Variants in RERE observed in about 807,000 individuals in gnomAD.
The protein encoded by RERE is arginine-glutamic acid dipeptide repeats, also known as arginine-glutamic acid dipeptide repeats protein.
RERE carries 40 observed loss-of-function variants against 146.1 expected under a neutral mutation model. The ratio of observed to expected loss-of-function variants is 0.27; its 90% confidence interval spans 0.21 to 0.36. The LOEUF is 0.36. Ranked by LOEUF, RERE falls within the 10% of genes least tolerant of loss-of-function variation. The probability of loss-of-function intolerance (pLI) is 1.00; values close to 1 mark genes in which losing one functional copy is unlikely to be tolerated. For synonymous variants in RERE, 1,003 were observed against 866.0 expected (o/e 1.16, Z -2.78); for missense variants, 1,933 against 2,138.7 (o/e 0.90, Z 1.90).
At chr1:8,554,678 CAA>C (rs386366172) in intron 6 of RERE, among the ~76,000 whole-genome samples, 19,300 of 100,452 alleles carry the variant, frequency 0.19, 1,511 homozygotes, top group Middle Eastern at 0.33. Context: ...GATCCTGTCT[CAA>C]AAAAAAAAAA....
intron 1 of RERE, among the ~76,000 whole-genome samples, chr1:8,785,264 C>T (rs550528121): frequency 4.6e-5 from 7 of 152,154 alleles, no homozygotes; most frequent in Non-Finnish European, 1.0e-4. Context: ...ATTTTGATAA[C>T]AGCAGAAAGG....
At chr1:8,773,407 T>C (rs1005878407) in intron 1 of RERE, among the ~76,000 whole-genome samples, 36 of 152,144 alleles carry the variant, frequency 2.4e-4, no homozygotes, top group Admixed American at 2.2e-3. Context: ...TGAAAGAAGG[T>C]TGCTGGCCGG....
At chr1:8,811,738 T>A (rs1641814859) in intron 1 of RERE, among the ~76,000 whole-genome samples, 1 of 152,252 alleles carries the variant, frequency 6.6e-6, no homozygotes, top group Non-Finnish European at 1.5e-5. Flanking sequence ...AGCTCTGCCC[T>A]GCTGCTGCAG....
At chr1:8,797,966 A>G (rs2124585552) in intron 1 of RERE, among the ~76,000 whole-genome samples, 1 of 152,372 alleles carries the variant, frequency 6.6e-6, no homozygotes, top group Non-Finnish European at 1.5e-5. Flanking sequence ...CAATTTTAAA[A>G]TAAATGACTA....
At chr1:8,554,320 A>G (rs996229271) in intron 6 of RERE, among the ~76,000 whole-genome samples, 8 of 152,248 alleles carry the variant, frequency 5.3e-5, no homozygotes, top group Non-Finnish European at 8.8e-5. Context: ...TAAATCGATT[A>G]AAATCTTTTC....
chr1:8,684,418 C>T (rs1366706804), intron 1 of RERE, among the ~76,000 whole-genome samples: 1 of 151,752 alleles, frequency 6.6e-6, no homozygotes, highest in African/African-American at 2.4e-5. Context: ...TGGGCATAAA[C>T]AAAAAACCCC....
At chr1:8,459,696 G>A (rs17032615) in intron 11 of RERE, among the ~76,000 whole-genome samples, 4,107 of 152,202 alleles carry the variant, frequency 0.027, 191 homozygotes, top group African/African-American at 0.095. Context: ...CAAATGAGAC[G>A]ATGAAGCCAG....
chr1:8,367,976 T>C (rs1399741822), intron 12 of RERE, among the ~76,000 whole-genome samples: 2 of 152,136 alleles, frequency 1.3e-5, no homozygotes, highest in Non-Finnish European at 2.9e-5. Context: ...TGAGAAAATA[T>C]GGAAGAGAAA....
chr1:8,452,430 G>C (rs998197504), intron 11 of RERE, among the ~76,000 whole-genome samples: 8 of 152,208 alleles, frequency 5.3e-5, no homozygotes, highest in Admixed American at 2.0e-4. Flanking sequence ...TACCAAGGTT[G>C]GTGGTAACTC....
At chr1:8,711,584 G>A (rs998492460) in intron 1 of RERE, among the ~76,000 whole-genome samples, 3 of 152,182 alleles carry the variant, frequency 2.0e-5, no homozygotes, top group Non-Finnish European at 2.9e-5. Flanking sequence ...GAAATTTCTC[G>A]TTTGGAAAAG....
rs76371041 is a variant in RERE, at chr1:8,697,690, C to T, written c.-144-41249G>A. ...GGCGCGAGCCACCACACCCAACCTA[C>T]CACACACAACTTTCTAAAGTTCCTG... On this transcript the variant is annotated intron_variant, in intron 1 of 22. Coordinates refer to ENST00000400908, the MANE Select transcript of RERE (RefSeq NM_001042681.2). Among the ~76,000 whole-genome samples, 152 of 152,314 alleles carry T rather than the reference C, an allele frequency of 1.0e-3. 3 individuals are homozygous for T. In the East Asian group the frequency reaches 0.018, roughly 18 times the overall value.
chr1:8,673,222 A>G (rs1638760718), intron 1 of RERE, among the ~76,000 whole-genome samples: 1 of 152,166 alleles, frequency 6.6e-6, no homozygotes, highest in Non-Finnish European at 1.5e-5. Flanking sequence ...CAGCCTATCA[A>G]GTAGCTGGGA....
intron 12 of RERE, among the ~76,000 whole-genome samples, chr1:8,390,934 C>CA (rs1483581950): frequency 4.6e-5 from 7 of 151,870 alleles, no homozygotes; most frequent in Admixed American, 4.6e-4. Context: ...AATATTATCT[C>CA]AAAAAAACAA....
Position 8,361,202 on chromosome 1 carries a change from AGGGCGT to A in RERE, c.2299_2304del (p.Thr767_Pro768del). The A allele has an allele frequency of 6.7e-7, 1 of 1,493,108 alleles. No homozygotes were observed. The highest frequency in any genetic ancestry group is 1.4e-5 in the South Asian group (1 of 74,014). The allele number at this position is 1,493,108 out of a possible 1,614,324, so 92.5% of individuals were successfully genotyped here. ...CCCTGTGGGGGAACTGCAGTGGCAG[AGGGCGT>A]GGGCCCTGGCGTGGGCAGCTGAGGG... On this transcript the variant is annotated inframe_deletion, in exon 18 of 23. Transcript: ENST00000400908.
At chr1:8,752,160 C>A (rs1319175144) in intron 1 of RERE, among the ~76,000 whole-genome samples, 1 of 151,820 alleles carries the variant, frequency 6.6e-6, no homozygotes, top group Non-Finnish European at 1.5e-5. Flanking sequence ...ATTTGCCTTG[C>A]GTGTCTGTGT....
Position 8,354,954 on chromosome 1 carries a change from T to G in RERE, c.*133A>C. On this transcript the variant is annotated 3_prime_UTR_variant, in exon 23 of 23. Transcript: ENST00000400908. ...TACTATGTGGATACATTTTTAGTTGTGGGTTTTTAAATATATAAAGAAATC... is the reference window on the plus strand; with the variant it reads ...TACTATGTGGATACATTTTTAGTTGGGGGTTTTTAAATATATAAAGAAATC... 1.4e-6 allele frequency: 1 copy of G among 730,726 alleles called. No individual in the cohort carries two copies. Among genetic ancestry groups the G allele is most frequent in the East Asian group, 2.7e-5 (1 of 37,236 alleles). 45.3% of individuals were successfully genotyped at this position (730,726 alleles called of 1,614,324 possible).
At chr1:8,715,707 C>T (rs1018389804) in intron 1 of RERE, among the ~76,000 whole-genome samples, 4 of 152,082 alleles carry the variant, frequency 2.6e-5, no homozygotes, top group African/African-American at 7.2e-5. Flanking sequence ...AGTTCAGGAC[C>T]AGTCTGGAAA....
At chr1:8,743,285 C>A (rs985484589) in intron 1 of RERE, among the ~76,000 whole-genome samples, 2 of 151,962 alleles carry the variant, frequency 1.3e-5, no homozygotes, top group Non-Finnish European at 2.9e-5. Context: ...GTAGTCCTAT[C>A]TTCTTTTTTT....
intron 11 of RERE, among the ~76,000 whole-genome samples, chr1:8,446,705 C>T (rs987436871): frequency 5.3e-5 from 8 of 152,174 alleles, no homozygotes; most frequent in South Asian, 2.1e-4. Flanking sequence ...TTTAGAGTCT[C>T]GCTCTGTCAC....
Sources: allele counts gnomAD v4.1 joint callset (sites outside exome capture counted in the v4.1 genomes callset), GRCh38; gene constraint gnomAD v4.1.1; transcripts MANE v1.5; gene names NCBI Gene and HGNC (gene_info 2026-07-23, HGNC 2026-07-21).